Variants in UBE2L3 observed in about 807,000 individuals in gnomAD.
UBE2L3 encodes the protein ubiquitin-conjugating enzyme E2 L3.
UBE2L3 carries 1 observed loss-of-function variant against 17.8 expected under a neutral mutation model. The observed-to-expected ratio is 0.06, with a 90% confidence interval of 0.02 to 0.27. The LOEUF (loss-of-function observed/expected upper bound fraction) is 0.27. Ranked by LOEUF, UBE2L3 falls within the 10% of genes least tolerant of loss-of-function variation. The probability of loss-of-function intolerance (pLI) is 1.00; values close to 1 mark genes in which losing one functional copy is unlikely to be tolerated. For missense variants in UBE2L3, 40 were observed against 192.6 expected (o/e 0.21, Z 4.69); for synonymous variants, 44 against 68.5 (o/e 0.64, Z 1.76).
At chr22:21,556,926 TGCCTGTAATCCCA>T (rs1450481199) in intron 1 of UBE2L3, among the ~76,000 whole-genome samples, 1 of 152,188 alleles carries the variant, frequency 6.6e-6, no homozygotes, top group Non-Finnish European at 1.5e-5. Flanking sequence ...TGGTGGCAGG[TGCCTGTAATCCCA>T]GCTACTCGGG....
chr22:21,600,903 C>T (rs1022074448), intron 2 of UBE2L3, among the ~76,000 whole-genome samples: 9 of 152,110 alleles, frequency 5.9e-5, no homozygotes, highest in African/African-American at 2.2e-4. Context: ...GACGTGGTGG[C>T]TGACACCTGT....
chr22:21,585,646 A>G (rs1360543094), intron 1 of UBE2L3, among the ~76,000 whole-genome samples: 1 of 152,178 alleles, frequency 6.6e-6, no homozygotes, highest in Non-Finnish European at 1.5e-5. Context: ...CCTTAGAGGA[A>G]CAGGCATTTG....
chr22:21,572,422 CAAAAAAAA>C (rs140497), intron 1 of UBE2L3, among the ~76,000 whole-genome samples: 3 of 104,804 alleles, frequency 2.9e-5, no homozygotes, highest in African/African-American at 3.8e-5. Context: ...GACTCCGTCT[CAAAAAAAA>C]AAAAAAAAAA....
chr22:21,583,878 A>AT (rs985492194), intron 1 of UBE2L3, among the ~76,000 whole-genome samples: 54 of 150,312 alleles, frequency 3.6e-4, no homozygotes, highest in Admixed American at 4.0e-4. Context: ...TTAAATTTTA[A>AT]TTTTTTTTTT....
At chr22:21,568,089 A>C (rs930937723) in intron 1 of UBE2L3, 71 of 1,144,142 alleles carry the variant, frequency 6.2e-5, no homozygotes, top group East Asian at 4.9e-4. Flanking sequence ...GGCGTCGTTA[A>C]TGTGAGAGCC....
intron 3 of UBE2L3, among the ~76,000 whole-genome samples, chr22:21,614,892 G>T (rs911768763): frequency 1.3e-5 from 2 of 152,210 alleles, no homozygotes; most frequent in African/African-American, 4.8e-5. Context: ...GGTGGCTCAC[G>T]CCTGTAATCC....
chr22:21,587,379 CG>C (rs760396030), intron 1 of UBE2L3, among the ~76,000 whole-genome samples: 1 of 151,724 alleles, frequency 6.6e-6, no homozygotes, highest in East Asian at 1.9e-4. Context: ...TTAGTAGAGA[CG>C]GGGTTTCACC....
chr22:21,592,781 A>T, intron 1 of UBE2L3, 80 bp from the exon 2 acceptor site: 1 of 1,158,476 alleles, frequency 8.6e-7, no homozygotes, highest in Non-Finnish European at 1.3e-6. Context: ...CACTTGGTTT[A>T]ATTTGAGGGC....
upstream of UBE2L3, among the ~76,000 whole-genome samples, chr22:21,563,225 G>A (rs865934783): frequency 2.4e-5 from 3 of 124,766 alleles, no homozygotes; most frequent in Admixed American, 8.1e-5. Context: ...CTGGGCGACA[G>A]GGCAAGACTC....
At chr22:21,563,713 A>T (rs1474392385), upstream of UBE2L3, among the ~76,000 whole-genome samples, 1 of 149,164 alleles carries the variant, frequency 6.7e-6, no homozygotes, top group Non-Finnish European at 1.5e-5. Flanking sequence ...AGTAGCTGGG[A>T]CTATAGGCAC....
chr22:21,577,039 G>T (rs1266474481), intron 1 of UBE2L3, among the ~76,000 whole-genome samples: 1 of 151,228 alleles, frequency 6.6e-6, no homozygotes, highest in Non-Finnish European at 1.5e-5. Context: ...TACAGTCTTG[G>T]CTCACTGAAA....
chr22:21,586,536 G>T (rs1178695715), intron 1 of UBE2L3, among the ~76,000 whole-genome samples: 3 of 150,880 alleles, frequency 2.0e-5, no homozygotes, highest in Non-Finnish European at 4.4e-5. Flanking sequence ...CTCCCAAAGT[G>T]CTGGGATTAC....
intron 1 of UBE2L3, chr22:21,567,975 G>C (rs1184521198): frequency 2.9e-6 from 4 of 1,370,400 alleles, no homozygotes; most frequent in Non-Finnish European, 3.8e-6. Flanking sequence ...AGGCCGCGCT[G>C]GGAGCCGCTG....
rs74435908 is a variant in UBE2L3, at chr22:21,601,173, A to G, written c.123+8217A>G. On this transcript the variant is annotated intron_variant, in intron 2 of 3. Transcript: ENST00000342192. ...GTGACAGAGCGAGACTCTTTCAAAG[A>G]AAAATCAATCAATCAATCAATCATA... Among the ~76,000 whole-genome samples the G allele has an allele frequency of 1.5e-3, 234 of 152,244 alleles. 1 individual carries two copies. The highest frequency in any genetic ancestry group is 5.4e-3 in the African/African-American group (224 of 41,556).
At chr22:21,620,124 T>C (rs1290364554) in intron 3 of UBE2L3, among the ~76,000 whole-genome samples, 1 of 151,774 alleles carries the variant, frequency 6.6e-6, no homozygotes, top group Non-Finnish European at 1.5e-5. Context: ...TGAGACCCCA[T>C]CTCTACAAAA....
chr22:21,620,769 G>T (rs1930005305), intron 3 of UBE2L3, among the ~76,000 whole-genome samples: 1 of 152,156 alleles, frequency 6.6e-6, no homozygotes, highest in Non-Finnish European at 1.5e-5. Flanking sequence ...ACTCCTAAGG[G>T]TCTTCCAGAG....
intron 2 of UBE2L3, among the ~76,000 whole-genome samples, chr22:21,598,017 T>C (rs1440153263): frequency 6.7e-6 from 1 of 149,730 alleles, no homozygotes; most frequent in Non-Finnish European, 1.5e-5. Flanking sequence ...CACAGGCTGG[T>C]CTTGAACTCC....
intron 2 of UBE2L3, among the ~76,000 whole-genome samples, chr22:21,606,463 G>C (rs1929177366): frequency 6.6e-6 from 1 of 152,198 alleles, no homozygotes; most frequent in Admixed American, 6.5e-5. Context: ...ACCACACCCA[G>C]TGAGGGAAAG....
upstream of UBE2L3, chr22:21,567,551 G>A: frequency 7.9e-7 from 1 of 1,265,484 alleles, no homozygotes; most frequent in Non-Finnish European, 1.1e-6. Flanking sequence ...ATCCGTAAAC[G>A]CTGAGGCCCA....
Sources: allele counts gnomAD v4.1 joint callset (sites outside exome capture counted in the v4.1 genomes callset), GRCh38; gene constraint gnomAD v4.1.1; transcripts MANE v1.5; gene names NCBI Gene and HGNC (gene_info 2026-07-23, HGNC 2026-07-21).